The following CYFIP1 variants were observed in gnomAD, a reference collection of about 807,000 sequenced individuals.
CYFIP1 encodes cytoplasmic FMR1 interacting protein 1.
Under a neutral mutation model 163.5 loss-of-function variants are expected in CYFIP1, and 58 were observed. That is an observed-to-expected ratio of 0.35 (90% confidence interval 0.29 to 0.44). CYFIP1 has a LOEUF of 0.44. Ranked by LOEUF, CYFIP1 falls within the 20% of genes least tolerant of loss-of-function variation. The pLI, the probability that CYFIP1 is intolerant of heterozygous loss-of-function variation, is 1.00. For missense variants in CYFIP1, 1,338 were observed against 1,653.8 expected (o/e 0.81, Z 3.31); for synonymous variants, 663 against 660.7 (o/e 1.00, Z -0.05).
At position 22,939,179 on chromosome 15, in the gene CYFIP1, C is replaced by T. The variant is rs2061814258; in HGVS notation, c.795+13G>A. On this transcript the variant is annotated intron_variant, in intron 8 of 30. Transcript: ENST00000617928. ...CTCGGCAGTGCCACGGGCTAGCGTC[C>T]CCACACACGTACTTTGAGAAGCATG... The T allele has an allele frequency of 6.2e-7, 1 of 1,614,102 alleles. No homozygotes were observed. Among genetic ancestry groups the T allele is most frequent in the South Asian group, 1.1e-5 (1 of 91,078 alleles).
rs747329807 is a variant in CYFIP1, at chr15:22,917,862, G to A, written c.1600C>T (p.Arg534Trp). 15 of 1,613,708 alleles carry A rather than the reference G, an allele frequency of 9.3e-6. No homozygotes were observed. The highest frequency in any genetic ancestry group is 1.6e-4 in the Middle Eastern group (1 of 6,082). ...GHEPFNDPAL[R>W]GEKDPKSGFD... Reference sequence around the variant, plus strand: ...CCGCTCTTGGGGTCCTTCTCGCCCCGCAAGGCTGGGTCATTGAAGGGCTCA... The same window carrying A: ...CCGCTCTTGGGGTCCTTCTCGCCCCACAAGGCTGGGTCATTGAAGGGCTCA... The change falls in exon 15 of 31, where the codon CGG becomes TGG. Residue 534 changes from arginine (R) to tryptophan (W), a missense_variant. Arg to Trp is a moderately radical substitution (Grantham distance 101). Coordinates refer to ENST00000617928, the MANE Select transcript of CYFIP1 (RefSeq NM_014608.6). The surrounding 1 kb of genome is among the most constrained non-coding windows in gnomAD (Gnocchi z 4.2).
At chr15:22,925,181 T>C (rs1362383189) in intron 13 of CYFIP1, among the ~76,000 whole-genome samples, 4 of 152,178 alleles carry the variant, frequency 2.6e-5, no homozygotes, top group Non-Finnish European at 4.4e-5. Context: ...GGATTGTTCA[T>C]ATCCTGATTA....
intron 26 of CYFIP1, 104 bp from the exon 27 acceptor site, chr15:22,875,375 TCTG>T: frequency 4.3e-6 from 4 of 934,354 alleles, no homozygotes; most frequent in Non-Finnish European, 5.2e-6. Context: ...TAAAATAAAC[TCTG>T]TAAGTTTATT....
intron 22 of CYFIP1, among the ~76,000 whole-genome samples, chr15:22,894,288 T>TC (rs1446193431): frequency 1.4e-5 from 2 of 141,568 alleles, no homozygotes; most frequent in African/African-American, 5.3e-5. Flanking sequence ...CTTTTTTTTT[T>TC]TTTTTTTTTT....
intron 1 of CYFIP1, among the ~76,000 whole-genome samples, chr15:22,970,597 C>T (rs2063059480): frequency 6.6e-6 from 1 of 152,204 alleles, no homozygotes; most frequent in South Asian, 2.1e-4. Context: ...GAAAGGCATA[C>T]TGGCCAATTA....
intron 23 of CYFIP1, 65 bp downstream of exon 23, chr15:22,892,825 A>C: frequency 1.6e-6 from 2 of 1,247,002 alleles, no homozygotes; most frequent in Non-Finnish European, 2.3e-6. Flanking sequence ...AACCAATTAA[A>C]CTACACTTCA....
At chr15:22,909,408 G>A (rs1393904629) in intron 20 of CYFIP1, 95 bp from the exon 21 acceptor site, 3 of 1,511,880 alleles carry the variant, frequency 2.0e-6, no homozygotes, top group East Asian at 2.3e-5. Context: ...AAGCTGGTCT[G>A]TCAATAACGA....
intron 1 of CYFIP1, among the ~76,000 whole-genome samples, chr15:22,979,756 T>C (rs1021372742): frequency 6.6e-6 from 1 of 152,040 alleles, no homozygotes; most frequent in Non-Finnish European, 1.5e-5. Flanking sequence ...AACTCCTCTC[T>C]CCAAGAATGC....
At chr15:22,937,020 C>A in intron 9 of CYFIP1, 84 bp downstream of exon 9, 1 of 898,970 alleles carries the variant, frequency 1.1e-6, no homozygotes, top group Non-Finnish European at 1.8e-6. Flanking sequence ...TGATATAGAT[C>A]ACAGTCACAC....
intron 23 of CYFIP1, among the ~76,000 whole-genome samples, chr15:22,884,296 T>TA (rs1241664118): frequency 6.6e-6 from 1 of 152,100 alleles, no homozygotes; most frequent in Non-Finnish European, 1.5e-5. Flanking sequence ...GCCTATATAA[T>TA]AAAAAACAAG....
At chr15:22,896,507 G>A (rs998205311) in intron 22 of CYFIP1, among the ~76,000 whole-genome samples, 14 of 151,598 alleles carry the variant, frequency 9.2e-5, no homozygotes, top group Non-Finnish European at 1.3e-4. Context: ...GGCCCTTCTC[G>A]TTTTTTTCAT....
At chr15:22,895,705 G>A (rs1005890886) in intron 22 of CYFIP1, among the ~76,000 whole-genome samples, 2 of 152,172 alleles carry the variant, frequency 1.3e-5, no homozygotes, top group Non-Finnish European at 2.9e-5. Context: ...TGTGTGCCTG[G>A]TGAACTCAGC....
intron 18 of CYFIP1, among the ~76,000 whole-genome samples, chr15:22,911,949 A>G (rs1472328576): frequency 6.6e-6 from 1 of 152,202 alleles, no homozygotes; most frequent in African/African-American, 2.4e-5. Context: ...GCTCATAACC[A>G]AAAATAGATG....
At chr15:22,972,849 A>C (rs916824013) in intron 1 of CYFIP1, among the ~76,000 whole-genome samples, 1 of 152,090 alleles carries the variant, frequency 6.6e-6, no homozygotes, top group Non-Finnish European at 1.5e-5. Context: ...CTACAAAAAA[A>C]CACAAAAATT....
intron 5 of CYFIP1, 42 bp downstream of exon 5, chr15:22,944,516 C>G: frequency 7.3e-7 from 1 of 1,374,028 alleles, no homozygotes; most frequent in Non-Finnish European, 1.0e-6. Flanking sequence ...CAGCAACCCA[C>G]CCCTCGGTGT....
chr15:22,944,956 G>A lies in CYFIP1; in HGVS notation c.208-17C>T, dbSNP rs1426397224. On this transcript the variant is annotated splice_polypyrimidine_tract_variant and intron_variant, in intron 3 of 30. Transcript: ENST00000617928. ...CATCTCGTTCTGCAATGGAACACAG[G>A]GCAAATCAAAGGCAGGCGGGGGAAC... The A allele has an allele frequency of 1.2e-6, 2 of 1,612,160 alleles. No homozygotes were observed. Among genetic ancestry groups the A allele is most frequent in the Non-Finnish European group, 1.7e-6 (2 of 1,178,212 alleles).
chr15:22,875,381 A>C (rs1264228054), intron 26 of CYFIP1, 110 bp from the exon 27 acceptor site: 2 of 899,516 alleles, frequency 2.2e-6, no homozygotes, highest in Non-Finnish European at 3.7e-6. Context: ...AAACTCTGTA[A>C]GTTTATTTTA....
chr15:22,962,640 G>C (rs1358438184), intron 1 of CYFIP1, among the ~76,000 whole-genome samples: 1 of 151,904 alleles, frequency 6.6e-6, no homozygotes, highest in African/African-American at 2.4e-5. Flanking sequence ...CCGACCTCAG[G>C]TGATCCACCA....
chr15:22,870,237 A>G (rs1464210874), intron 30 of CYFIP1, 45 bp from the exon 31 acceptor site: 1 of 1,533,788 alleles, frequency 6.5e-7, no homozygotes, highest in East Asian at 2.4e-5. Flanking sequence ...ACACTTCAAC[A>G]TTTATTCTTC....
Sources: allele counts gnomAD v4.1 joint callset (sites outside exome capture counted in the v4.1 genomes callset), GRCh38; gene constraint gnomAD v4.1.1; non-coding constraint Gnocchi (gnomAD v3.1); transcripts MANE v1.5; gene names NCBI Gene and HGNC (gene_info 2026-07-23, HGNC 2026-07-21).